CLEC4D: variants seen among roughly 807,000 people sequenced by gnomAD.
CLEC4D encodes the protein C-type lectin domain family 4 member D.
In CLEC4D, 21 loss-of-function variants were observed where a neutral mutation model predicts 21.1. The observed-to-expected ratio is 1.00, with a 90% CI of 0.71 to 1.43. CLEC4D has a LOEUF of 1.43. Ranked by LOEUF, CLEC4D falls within the 40% of genes most tolerant of loss-of-function variation. The pLI is 0.00. For synonymous variants in CLEC4D, 85 were observed against 83.1 expected, an observed-to-expected ratio of 1.02 and a Z score of -0.12; for missense variants, 289 against 260.7, an observed-to-expected ratio of 1.11 and a Z score of -0.75.
At chr12:8,525,867 T>C (rs903310146), downstream of CLEC4D, among the ~76,000 whole-genome samples, 49 of 152,342 alleles carry the variant, frequency 3.2e-4, no homozygotes, top group African/African-American at 1.1e-3. Context: ...CAGAAGCTCT[T>C]GCAAGGCAGG....
the CLEC4D span, among the ~76,000 whole-genome samples, chr12:8,529,937 C>T: frequency 1.3e-5 from 2 of 152,070 alleles, no homozygotes; most frequent in Admixed American, 6.6e-5. Flanking sequence ...AGCATCTAAA[C>T]GGTTGAATAC....
the CLEC4D span, among the ~76,000 whole-genome samples, chr12:8,529,228 A>G: frequency 1.3e-5 from 2 of 152,154 alleles, no homozygotes; most frequent in Non-Finnish European, 2.9e-5. Flanking sequence ...AAATTATGGG[A>G]TAGATGGAAT....
chr12:8,521,192 A>T lies in CLEC4D; in HGVS notation c.569A>T (p.Asp190Val). ...ENCVVLVYNQ[D>V]KWAWNDVPCN... is the part of the protein sequence containing the mutation. Reference sequence around the variant, plus strand: ...TGTGTTGTTCTTGTTTATAACCAAGATAAATGGGCCTGGAATGATGTTCCT... The same window carrying T: ...TGTGTTGTTCTTGTTTATAACCAAGTTAAATGGGCCTGGAATGATGTTCCT... Residue 190 changes from aspartate to valine, a missense_variant, in exon 6 of 6, where the codon GAT becomes GTT. By Grantham distance (152) the Asp-to-Val change is radical. Coordinates refer to ENST00000299665, the MANE Select transcript of CLEC4D (RefSeq NM_080387.5). 1 of 1,613,782 alleles carries T rather than the reference A, an allele frequency of 6.2e-7. No individual in the cohort carries two copies.
At chr12:8,524,013 G>C (rs148848160), downstream of CLEC4D, among the ~76,000 whole-genome samples, 1 of 152,116 alleles carries the variant, frequency 6.6e-6, no homozygotes, top group African/African-American at 2.4e-5. Flanking sequence ...ATTGATTTGC[G>C]TATGTTGAAC....
chr12:8,527,949 C>T, the CLEC4D span, among the ~76,000 whole-genome samples: 1 of 152,166 alleles, frequency 6.6e-6, no homozygotes. Flanking sequence ...GTTCCCTTTC[C>T]CCCATGTGGC....
At chr12:8,518,949 C>A in intron 3 of CLEC4D, 60 bp from the exon 4 acceptor site, 1 of 1,565,056 alleles carries the variant, frequency 6.4e-7, no homozygotes, top group Admixed American at 1.8e-5. Context: ...AATAGTTATG[C>A]AATCTGTTAC....
intron 3 of CLEC4D, 42 bp downstream of exon 3, chr12:8,518,316 G>A (rs368638188): frequency 1.7e-5 from 14 of 813,862 alleles, no homozygotes; most frequent in African/African-American, 1.2e-4. Flanking sequence ...TTCCATTTTC[G>A]TTCAAATTCA....
Position 8,515,305 on chromosome 12 carries a change from TC to T in CLEC4D, c.99del (p.Cys34ValfsTer8). The T allele has an allele frequency of 2.1e-6, 3 of 1,448,080 alleles. No homozygotes were observed. Among genetic ancestry groups the T allele is most frequent in the Non-Finnish European group, 2.9e-6 (3 of 1,029,494 alleles). 89.7% of individuals were successfully genotyped at this position (1,448,080 alleles called of 1,614,324 possible). ...IAVVFILLLSVCFIASCLVTH... is the reference protein window; with the variant it reads ...IAVVFILLLSXCFIASCLVTH... ...GTAGTTTTCATCTTACTTCTCAGTG[TC>T]TGTTTTATTGCAAGTTGTTTGGGTA... On this transcript the variant is annotated frameshift_variant, in exon 2 of 6. Coordinates refer to ENST00000299665, the MANE Select transcript of CLEC4D (RefSeq NM_080387.5). LOFTEE classifies it high-confidence loss of function.
At chr12:8,519,427 G>A (rs368971236) in intron 4 of CLEC4D, among the ~76,000 whole-genome samples, 3 of 152,050 alleles carry the variant, frequency 2.0e-5, no homozygotes, top group African/African-American at 7.2e-5. Flanking sequence ...TACTTCTGTA[G>A]GACTTTGTGC....
chr12:8,525,577 G>A (rs1424586760), downstream of CLEC4D, among the ~76,000 whole-genome samples: 1 of 152,096 alleles, frequency 6.6e-6, no homozygotes, highest in Non-Finnish European at 1.5e-5. Context: ...GAGCCTTTGT[G>A]TGTCTTTGCA....
At chr12:8,518,367 T>G (rs1445230691) in intron 3 of CLEC4D, 93 bp downstream of exon 3, 2 of 654,202 alleles carry the variant, frequency 3.1e-6, no homozygotes, top group African/African-American at 1.8e-5. Context: ...CCAGGAAAGA[T>G]TAAAATAGCA....
At chr12:8,515,445 T>C (rs963681405) in intron 2 of CLEC4D, 117 bp downstream of exon 2, 1 of 640,578 alleles carries the variant, frequency 1.6e-6, no homozygotes, top group Non-Finnish European at 2.8e-6. Flanking sequence ...ATCTATAATA[T>C]CTTCAGGGTC....
chr12:8,520,289 G>A lies in CLEC4D; in HGVS notation c.448G>A (p.Ala150Thr). 1 of 1,614,062 alleles carries A rather than the reference G, an allele frequency of 6.2e-7. No homozygotes were observed. Among genetic ancestry groups the A allele is most frequent in the South Asian group, 1.1e-5 (1 of 91,080 alleles). The change falls in exon 5 of 6, where the codon GCC (alanine) becomes ACC (threonine). Residue 150 changes from alanine to threonine, a missense_variant. Ala to Thr is a moderately conservative substitution (Grantham distance 58). Transcript: ENST00000299665. ...SYFLGLRDEN[A>T]KGQWRWVDQT... ...TTTCCTTGGACTTAGAGATGAGAAT[G>A]CCAAAGGTCAGTGGCGTTGGGTGGA... is the stretch of plus-strand genomic sequence containing the variant.
chr12:8,521,325 T>G lies in CLEC4D; in HGVS notation c.*54T>G. ...AAGAGAAAAGAAAAACCAATTAGAA[T>G]AAGGCAGAATGTACGTGCGTCATTG... On this transcript the variant is annotated 3_prime_UTR_variant, in exon 6 of 6. Transcript: ENST00000299665. 6.4e-7 allele frequency: 1 copy of G among 1,570,586 alleles called. No homozygotes were observed. Among genetic ancestry groups the G allele is most frequent in the Non-Finnish European group, 8.6e-7 (1 of 1,162,590 alleles).
chr12:8,527,408 C>G, the CLEC4D span, among the ~76,000 whole-genome samples: 2 of 152,176 alleles, frequency 1.3e-5, no homozygotes, highest in South Asian at 4.1e-4. Context: ...TTTGGAGATC[C>G]TGCAGGGAAG....
At chr12:8,523,046 A>T (rs1215085638), downstream of CLEC4D, among the ~76,000 whole-genome samples, 5 of 152,100 alleles carry the variant, frequency 3.3e-5, no homozygotes, top group Non-Finnish European at 7.4e-5. Context: ...GTTGTGCTTC[A>T]TTGGTCTATA....
At chr12:8,531,513 G>A in the CLEC4D span, among the ~76,000 whole-genome samples, 1 of 152,126 alleles carries the variant, frequency 6.6e-6, no homozygotes, top group Non-Finnish European at 1.5e-5. Context: ...TAACATTCTT[G>A]AACTCAGTAA....
chr12:8,514,992 GT>G (rs1940358325), intron 1 of CLEC4D, among the ~76,000 whole-genome samples: 1 of 151,904 alleles, frequency 6.6e-6, no homozygotes, highest in South Asian at 2.1e-4. Context: ...TGGCTCTTGG[GT>G]TTTGTATCTT....
At chr12:8,528,512 T>C in the CLEC4D span, among the ~76,000 whole-genome samples, 1 of 152,232 alleles carries the variant, frequency 6.6e-6, no homozygotes, top group Non-Finnish European at 1.5e-5. Context: ...CCATAGTCTC[T>C]TTTAGTCTAT....
Sources: gnomAD v4.1 joint callset for allele counts (sites outside exome capture counted in the v4.1 genomes callset) on GRCh38, gnomAD v4.1.1 for gene constraint, MANE v1.5 for transcripts, NCBI Gene and HGNC (gene_info 2026-07-23, HGNC 2026-07-21) for gene names.